The following PIK3R6 variants were observed in gnomAD, a reference collection of about 807,000 sequenced individuals.
PIK3R6 encodes phosphoinositide-3-kinase regulatory subunit 6, also known as phosphoinositide 3-kinase regulatory subunit 6.
A neutral mutation model predicts 84.9 loss-of-function variants in PIK3R6; 91 were observed. The observed-to-expected ratio is 1.07, with a 90% confidence interval of 0.90 to 1.28. The LOEUF (loss-of-function observed/expected upper bound fraction) is 1.28, where lower values mean the gene tolerates loss of function less well. Among genes scored for constraint, PIK3R6 ranks in the 50% most tolerant of loss-of-function variants. PIK3R6 has a pLI of 0.00. For missense variants in PIK3R6, 996 were observed against 985.1 expected (o/e 1.01, Z -0.15); for synonymous variants, 416 against 411.4 (o/e 1.01, Z -0.13).
intron 1 of PIK3R6, among the ~76,000 whole-genome samples, chr17:8,853,484 C>CAA (rs56939877): frequency 1.1e-4 from 11 of 104,372 alleles, no homozygotes; most frequent in East Asian, 2.8e-4. Context: ...GACTCCATCT[C>CAA]AAAAAAAAAA....
intron 2 of PIK3R6, 108 bp downstream of exon 2, chr17:8,849,670 CCTGT>C: frequency 3.2e-6 from 4 of 1,243,980 alleles, no homozygotes; most frequent in Non-Finnish European, 4.3e-6. Context: ...GGTCTTGCAG[CCTGT>C]CTATGTGCAG....
chr17:8,827,261 C>A lies in PIK3R6; in HGVS notation c.1426G>T (p.Glu476Ter). 1 of 1,570,436 alleles carries A rather than the reference C, an allele frequency of 6.4e-7. No homozygotes were observed. The highest frequency in any genetic ancestry group is 1.2e-5 in the South Asian group (1 of 85,422). ...ACGCGGCCCAGGAACGTAGCCAGCT[C>A]TCCCAGCTCCGGCTGCCTGGATGCT... is the stretch of plus-strand genomic sequence containing the variant. ...PAASRQPELGELATFLGRVDP... is the reference protein window; with the variant it reads ...PAASRQPELG Residue 476 changes from glutamate (E) to a stop codon, truncating the protein, a stop_gained, in exon 13 of 20, where the codon GAG (glutamate) becomes TAG (stop). Transcript: ENST00000619866. LOFTEE classifies it high-confidence loss of function.
intron 8 of PIK3R6, 38 bp from the exon 9 acceptor site, chr17:8,833,083 A>C (rs985911629): frequency 6.6e-7 from 1 of 1,513,516 alleles, no homozygotes; most frequent in Non-Finnish European, 8.8e-7. Context: ...GTCTTGGCCC[A>C]GCGCCCACGC....
intron 15 of PIK3R6, 32 bp downstream of exon 15, chr17:8,822,964 T>G (rs1263683492): frequency 6.6e-7 from 1 of 1,522,898 alleles, no homozygotes. Flanking sequence ...TGAGTCAGGG[T>G]GACCTTTGGC....
intron 13 of PIK3R6, among the ~76,000 whole-genome samples, chr17:8,826,720 A>G (rs2087929438): frequency 6.6e-6 from 1 of 152,070 alleles, no homozygotes; most frequent in Non-Finnish European, 1.5e-5. Flanking sequence ...GGTGCAGCAA[A>G]CCACCATGGC....
intron 4 of PIK3R6, chr17:8,838,294 A>G: frequency 4.2e-6 from 2 of 471,130 alleles, no homozygotes; most frequent in South Asian, 2.4e-5. Flanking sequence ...GTTTATAGGT[A>G]CCTTCTGTTT....
chr17:8,850,138 T>G (rs534566768), intron 1 of PIK3R6, among the ~76,000 whole-genome samples: 1 of 152,098 alleles, frequency 6.6e-6, no homozygotes, highest in Non-Finnish European at 1.5e-5. Context: ...ACCCCGTCTC[T>G]ACTAAAAATA....
intron 1 of PIK3R6, among the ~76,000 whole-genome samples, chr17:8,858,822 C>A (rs1338724888): frequency 6.6e-6 from 1 of 152,240 alleles, no homozygotes; most frequent in Non-Finnish European, 1.5e-5. Context: ...GTCCAGCCCA[C>A]CGCTCTGCTG....
At chr17:8,840,609 T>G (rs990405635) in intron 2 of PIK3R6, among the ~76,000 whole-genome samples, 7 of 147,754 alleles carry the variant, frequency 4.7e-5, no homozygotes, top group African/African-American at 1.7e-4. Flanking sequence ...AATATGTATA[T>G]GAAATGTATA....
chr17:8,810,429 T>C (rs894668832), intron 18 of PIK3R6, among the ~76,000 whole-genome samples: 2 of 147,994 alleles, frequency 1.4e-5, no homozygotes, highest in South Asian at 2.3e-4. Flanking sequence ...TCCTCACATT[T>C]CAAAACCAAT....
chr17:8,807,003 A>G (rs1048366440), intron 18 of PIK3R6, among the ~76,000 whole-genome samples: 2 of 152,246 alleles, frequency 1.3e-5, no homozygotes, highest in Non-Finnish European at 2.9e-5. Flanking sequence ...TGCTGAAGTG[A>G]TAAGTTTAGA....
intron 5 of PIK3R6, among the ~76,000 whole-genome samples, chr17:8,837,398 C>T (rs2088514630): frequency 1.3e-5 from 2 of 152,122 alleles, no homozygotes; most frequent in African/African-American, 4.8e-5. Flanking sequence ...CCATCTTGAC[C>T]CTGGACTCTC....
intron 11 of PIK3R6, 123 bp downstream of exon 11, chr17:8,828,444 G>T: frequency 7.9e-7 from 1 of 1,270,814 alleles, no homozygotes; most frequent in Non-Finnish European, 1.1e-6. Flanking sequence ...ATCCTCCTCC[G>T]TCCCACCCTG....
intron 11 of PIK3R6, 122 bp from the exon 12 acceptor site, chr17:8,828,312 T>C (rs1299785347): frequency 1.6e-5 from 17 of 1,081,692 alleles, no homozygotes; most frequent in Non-Finnish European, 1.9e-5. Flanking sequence ...AGCCTCTGCT[T>C]TCTCATCTAC....
chr17:8,851,352 C>T (rs913684226), intron 1 of PIK3R6, among the ~76,000 whole-genome samples: 2 of 151,958 alleles, frequency 1.3e-5, no homozygotes, highest in African/African-American at 2.4e-5. Context: ...AAAAATTAGC[C>T]GGGCGTGGTG....
intron 18 of PIK3R6, among the ~76,000 whole-genome samples, chr17:8,804,721 G>A (rs1401517113): frequency 6.6e-6 from 1 of 152,158 alleles, no homozygotes; most frequent in Non-Finnish European, 1.5e-5. Context: ...CTCCCATTGG[G>A]CAGAGAACTT....
intron 4 of PIK3R6, 61 bp from the exon 5 acceptor site, chr17:8,837,932 G>A: frequency 2.0e-6 from 3 of 1,480,088 alleles, no homozygotes; most frequent in Non-Finnish European, 2.8e-6. Flanking sequence ...TTCATAGCGG[G>A]AGGCAGTCTA....
At chr17:8,813,530 T>G (rs2087428154) in intron 18 of PIK3R6, among the ~76,000 whole-genome samples, 1 of 152,046 alleles carries the variant, frequency 6.6e-6, no homozygotes, top group South Asian at 2.1e-4. Flanking sequence ...CAAACCAAAT[T>G]CAACAGTGAA....
rs117459739 is a variant in PIK3R6 at position 8,855,825 on chromosome 17, C to T, written c.-91-5940G>A. 1.2e-3 allele frequency among the ~76,000 whole-genome samples: 185 copies of T among 152,340 alleles called. No individual in the cohort carries two copies. In the East Asian group the frequency reaches 0.026, roughly 21 times the overall value. ...CACTTACTGTATGATCCCGTAATCC[C>T]TAGCTTTTTCCTCCAGAGAAATAAA... On this transcript the variant is annotated intron_variant, in intron 1 of 19. Coordinates refer to ENST00000619866, the MANE Select transcript of PIK3R6 (RefSeq NM_001010855.4).
Sources: gnomAD v4.1 joint callset for allele counts (sites outside exome capture counted in the v4.1 genomes callset) on GRCh38, gnomAD v4.1.1 for gene constraint, MANE v1.5 for transcripts, NCBI Gene and HGNC (gene_info 2026-07-23, HGNC 2026-07-21) for gene names.